The following JADE2 variants were observed in gnomAD, a reference collection of about 807,000 sequenced individuals.
JADE2 encodes jade family PHD finger 2, also known as E3 ubiquitin-protein ligase Jade-2.
In JADE2, 13 loss-of-function variants were observed where a neutral mutation model predicts 85.7. The observed-to-expected ratio is 0.15, with a 90% CI of 0.10 to 0.24. The LOEUF (loss-of-function observed/expected upper bound fraction) is 0.24, where lower values mean the gene tolerates loss of function less well. Ranked by LOEUF, JADE2 falls within the 10% of genes least tolerant of loss-of-function variation. The pLI is 1.00. For missense variants in JADE2, 846 were observed against 1,115.9 expected, an observed-to-expected ratio of 0.76 and a Z score of 3.45; for synonymous variants, 440 against 456.1, an observed-to-expected ratio of 0.96 and a Z score of 0.45.
chr5:134,567,000 C>T lies in JADE2; in HGVS notation c.1434+420C>T, dbSNP rs113795271. Among the ~76,000 whole-genome samples, 1 of 152,222 alleles carries T rather than the reference C, an allele frequency of 6.6e-6. No individual in the cohort carries two copies. The highest frequency in any genetic ancestry group is 2.4e-5 in the African/African-American group (1 of 41,444). The stretch of plus-strand genomic sequence containing the variant: ...ATCTGAGGCAGAGGAGGAACTGGAG[C>T]TTCCCAAGCTGTCCCCGTAACCCAT... On this transcript the variant is annotated intron_variant, in intron 9 of 11. Transcript: ENST00000681547. This position sits in a 1 kb window ranked among gnomAD's most constrained non-coding sequence, Gnocchi z 6.7.
At chr5:134,548,560 G>C (rs377448989) in intron 3 of JADE2, among the ~76,000 whole-genome samples, 4 of 152,198 alleles carry the variant, frequency 2.6e-5, no homozygotes, top group South Asian at 4.1e-4. Context: ...CTGCCTGCTA[G>C]AGCCCGTAGT....
intron 1 of JADE2, among the ~76,000 whole-genome samples, chr5:134,530,135 TAGGAAAG>T (rs1761138893): frequency 6.6e-6 from 1 of 152,196 alleles, no homozygotes; most frequent in Non-Finnish European, 1.5e-5. Flanking sequence ...TAATGAGAGA[TAGGAAAG>T]AGTGGGGCTG....
At chr5:134,527,559 C>G (rs368542223) in intron 1 of JADE2, among the ~76,000 whole-genome samples, 2 of 151,570 alleles carry the variant, frequency 1.3e-5, no homozygotes, top group East Asian at 3.9e-4. Flanking sequence ...GGGTGTTAAG[C>G]CCACCCACCT....
At chr5:134,542,976 GC>G (rs1158010526) in intron 3 of JADE2, among the ~76,000 whole-genome samples, 4 of 151,274 alleles carry the variant, frequency 2.6e-5, no homozygotes, top group Non-Finnish European at 5.9e-5. Flanking sequence ...CAAGTGATCT[GC>G]CTGCCTCAGG....
At chr5:134,551,674 G>A (rs574487055) in intron 3 of JADE2, among the ~76,000 whole-genome samples, 26 of 152,144 alleles carry the variant, frequency 1.7e-4, no homozygotes, top group Admixed American at 3.9e-4. Context: ...CACCATGCCC[G>A]GCCATCAGTA....
At chr5:134,525,325 G>T (rs1417422944), upstream of JADE2, among the ~76,000 whole-genome samples, 1 of 152,086 alleles carries the variant, frequency 6.6e-6, no homozygotes, top group Non-Finnish European at 1.5e-5. Context: ...GGGCGCAGCC[G>T]CCGCTCGGGC....
rs553080510 is a variant in JADE2 at position 134,582,575 on chromosome 5, G to A, written c.*3258G>A. On this transcript the variant is annotated 3_prime_UTR_variant, in exon 12 of 12. Transcript: ENST00000681547. ...TATGCAAACCACTGAAAAATGATCT[G>A]GATTTCTATAGCAAGGCCCTTGGGG... 6.6e-6 allele frequency: 1 copy of A among 152,588 alleles called. No homozygotes were observed. The highest frequency in any genetic ancestry group is 1.9e-4 in the East Asian group (1 of 5,186). 9.5% of individuals were successfully genotyped at this position (152,588 alleles called of 1,614,324 possible).
intron 4 of JADE2, among the ~76,000 whole-genome samples, chr5:134,553,011 T>TC (rs1554126906): frequency 5.3e-4 from 73 of 137,296 alleles, no homozygotes; most frequent in African/African-American, 1.9e-3. Flanking sequence ...TTTTTTTTTT[T>TC]CTGACAAGGT....
Position 134,578,973 on chromosome 5 carries a change from G to A in JADE2, c.2161G>A (p.Ala721Thr), listed in dbSNP as rs116209662. 7.7e-5 allele frequency: 124 copies of A among 1,613,676 alleles called. No individual in the cohort carries two copies. The African/African-American group carries it at 1.5e-3, about 20-fold the overall frequency. ...CACCCCTGAAAGCCCCCCGCCACTGGCCCCTGAGACCCCGGACGAGGCAGC... is the reference window on the plus strand; with the variant it reads ...CACCCCTGAAAGCCCCCCGCCACTGACCCCTGAGACCCCGGACGAGGCAGC... Reference protein sequence around the residue: ...LATPESPPPLAPETPDEAASV... With the variant: ...LATPESPPPLTPETPDEAASV... Residue 721 changes from alanine to threonine, a missense_variant, in exon 12 of 12, where the codon GCC becomes ACC. This residue lies in a region of JADE2 where 300 missense variants were observed against 300.7 expected (regional missense o/e 1.00). Transcript: ENST00000681547. The surrounding 1 kb of genome is among the most constrained non-coding windows in gnomAD (Gnocchi z 4.4).
chr5:134,543,682 C>T (rs374424748), intron 3 of JADE2, among the ~76,000 whole-genome samples: 8 of 151,562 alleles, frequency 5.3e-5, no homozygotes, highest in Admixed American at 2.6e-4. Flanking sequence ...GTCTCAAAAA[C>T]AAAAAAAAGC....
chr5:134,576,549 T>A (rs1292420605), intron 10 of JADE2, among the ~76,000 whole-genome samples: 1 of 151,916 alleles, frequency 6.6e-6, no homozygotes, highest in Non-Finnish European at 1.5e-5. Context: ...TGCGAGGGCC[T>A]CTCCTCGTGG....
chr5:134,532,755 C>T (rs1561723633), intron 1 of JADE2, among the ~76,000 whole-genome samples: 2 of 152,176 alleles, frequency 1.3e-5, no homozygotes, highest in Non-Finnish European at 2.9e-5. Context: ...CTCCCTGTCC[C>T]TCTTGCTGAG....
chr5:134,567,601 T>C (rs1581468775), intron 9 of JADE2, among the ~76,000 whole-genome samples: 1 of 152,140 alleles, frequency 6.6e-6, no homozygotes, highest in Non-Finnish European at 1.5e-5. Context: ...GGCAGGAGCA[T>C]GCAGGGAACG....
intron 10 of JADE2, among the ~76,000 whole-genome samples, chr5:134,576,322 T>C (rs1438725199): frequency 1.3e-5 from 2 of 152,016 alleles, no homozygotes. Flanking sequence ...CAAGAGACCA[T>C]GGCAGGAGAC....
chr5:134,575,384 T>C (rs1764294096), intron 10 of JADE2: 1 of 152,176 alleles, frequency 6.6e-6, no homozygotes, highest in Non-Finnish European at 1.5e-5. Flanking sequence ...GAAAACAGCA[T>C]ATTTGGAGAC....
Position 134,566,376 on chromosome 5 carries a change from G to A in JADE2, c.1230G>A (p.Pro410=), listed in dbSNP as rs142435802. 59 of 1,613,980 alleles carry A rather than the reference G, an allele frequency of 3.7e-5. No individual in the cohort carries two copies. Among genetic ancestry groups the A allele is most frequent in the African/African-American group, 5.3e-5 (4 of 75,020 alleles). Residue 410 remains proline, a synonymous_variant, in exon 9 of 12, where the codon CCG becomes CCA. Coordinates refer to ENST00000681547, the MANE Select transcript of JADE2 (RefSeq NM_001388185.1). This position sits in a 1 kb window ranked among gnomAD's most constrained non-coding sequence, Gnocchi z 6.7. ...AGGACTTCTACGAGCTGGTGGAGCC[G>A]GCTGAGGTGGCTGAGCGGCTGGACC... is the stretch of plus-strand genomic sequence containing the variant. ...LEEDFYELVE[P]AEVAERLDLA... is the part of the protein sequence containing the mutation.
rs917352859 is a variant in JADE2, at chr5:134,578,267, C to T, written c.1682-227C>T. Among the ~76,000 whole-genome samples the T allele has an allele frequency of 6.6e-6, 1 of 152,216 alleles. No homozygotes were observed. The highest frequency in any genetic ancestry group is 1.5e-5 in the Non-Finnish European group (1 of 68,046). On this transcript the variant is annotated intron_variant, in intron 11 of 11. Transcript: ENST00000681547. This position sits in a 1 kb window ranked among gnomAD's most constrained non-coding sequence, Gnocchi z 4.4. ...ACACTCTAGCCCACAAATTATGAAG[C>T]CCATCTTGAGGGCAGCACGTCCTTC...
intron 4 of JADE2, among the ~76,000 whole-genome samples, chr5:134,556,244 G>A (rs947921579): frequency 2.6e-5 from 4 of 152,212 alleles, no homozygotes; most frequent in African/African-American, 9.6e-5. Context: ...GCCAGGCTCC[G>A]AAGCAATAAC....
At chr5:134,549,092 A>G (rs1025045975) in intron 3 of JADE2, among the ~76,000 whole-genome samples, 1 of 152,172 alleles carries the variant, frequency 6.6e-6, no homozygotes, top group African/African-American at 2.4e-5. Flanking sequence ...CAGCAATGTG[A>G]GTCGACCAGG....
Sources: allele counts gnomAD v4.1 joint callset (sites outside exome capture counted in the v4.1 genomes callset), GRCh38; gene constraint gnomAD v4.1.1; regional missense constraint gnomAD v4.1.1; non-coding constraint Gnocchi (gnomAD v3.1); transcripts MANE v1.5; gene names NCBI Gene and HGNC (gene_info 2026-07-23, HGNC 2026-07-21).